Variants in SPATA22 observed in about 807,000 individuals in gnomAD.
SPATA22 encodes spermatogenesis associated 22.
SPATA22 carries 29 observed loss-of-function variants against 47.8 expected under a neutral mutation model. The observed-to-expected ratio is 0.61, with a 90% CI of 0.45 to 0.83. The LOEUF is 0.83. Among genes scored for constraint, SPATA22 ranks in the 40% least tolerant of loss-of-function variants. The pLI is 0.00. For missense variants in SPATA22, 410 were observed against 421.7 expected, an observed-to-expected ratio of 0.97 and a Z score of 0.24; for synonymous variants, 133 against 140.9, an observed-to-expected ratio of 0.94 and a Z score of 0.40.
rs1255658392 is a variant in SPATA22, at chr17:3,465,143, C to T, written c.172+2283G>A. Among the ~76,000 whole-genome samples, 20 of 107,238 alleles carry T rather than the reference C, an allele frequency of 1.9e-4. 1 individual carries two copies. The highest frequency in any genetic ancestry group is 3.5e-4 in the South Asian group (1 of 2,836). 70.4% of individuals were successfully genotyped at this position (107,238 alleles called of 152,430 possible). A position where few individuals can be genotyped will look rare whatever the true frequency, so the allele number is the denominator to read the frequency against. On this transcript the variant is annotated intron_variant, in intron 3 of 8. Coordinates refer to ENST00000572969, the MANE Select transcript of SPATA22 (RefSeq NM_001170698.2). ...GTCTCCGCCCGGCAGCCACCCCGTC[C>T]GGGAGGGAGGTGGGGGGGTCAGCCC...
intron 1 of SPATA22, chr17:3,471,285 G>A (rs185872538): frequency 5.6e-4 from 189 of 336,806 alleles, no homozygotes; most frequent in African/African-American, 3.9e-3. Flanking sequence ...CTCCACCGGC[G>A]CAACTCACAT....
At chr17:3,451,420 A>G (rs901494318) in intron 5 of SPATA22, among the ~76,000 whole-genome samples, 23 of 152,210 alleles carry the variant, frequency 1.5e-4, no homozygotes, top group Non-Finnish European at 5.9e-5. Context: ...AGAAAAATCA[A>G]TAAACAGTGA....
chr17:3,482,554 C>A (rs754171929), intron 1 of SPATA22, among the ~76,000 whole-genome samples: 4 of 152,134 alleles, frequency 2.6e-5, no homozygotes, highest in Non-Finnish European at 4.4e-5. Context: ...ACAAAACACA[C>A]CATTCCCAAA....
chr17:3,492,839 C>T (rs937551138), intron 1 of SPATA22, among the ~76,000 whole-genome samples: 1 of 152,028 alleles, frequency 6.6e-6, no homozygotes, highest in African/African-American at 2.4e-5. Context: ...AAGGCAGGAG[C>T]AAAACAATAA....
intron 3 of SPATA22, among the ~76,000 whole-genome samples, chr17:3,466,343 G>A (rs1374467406): frequency 6.6e-6 from 1 of 151,902 alleles, no homozygotes; most frequent in African/African-American, 2.4e-5. Context: ...TCTTCCAGAG[G>A]AAAGTAAAAA....
chr17:3,461,765 G>A (rs957863411), intron 5 of SPATA22, among the ~76,000 whole-genome samples: 1 of 152,036 alleles, frequency 6.6e-6, no homozygotes, highest in Non-Finnish European at 1.5e-5. Flanking sequence ...GTTGTTGTAA[G>A]GATTATTGAA....
rs1187737411 is a variant in SPATA22 at position 3,485,843 on chromosome 17, C to T, written c.-73-16445G>A. On this transcript the variant is annotated intron_variant, in intron 1 of 8. Coordinates refer to the SPATA22 transcript ENST00000541913. The surrounding 1 kb of genome is among the most constrained non-coding windows in gnomAD (Gnocchi z 4.4). ...TAATAGCAGAGTGTCAGCATTTCTG[C>T]ACCATTACCCAAGCTCCAGTTCCCA... Among the ~76,000 whole-genome samples, 1 of 152,076 alleles carries T rather than the reference C, an allele frequency of 6.6e-6. No homozygotes were observed. Among genetic ancestry groups the T allele is most frequent in the African/African-American group, 2.4e-5 (1 of 41,418 alleles).
chr17:3,461,485 C>T (rs1342570298), intron 5 of SPATA22, among the ~76,000 whole-genome samples: 2 of 152,152 alleles, frequency 1.3e-5, no homozygotes, highest in African/African-American at 4.8e-5. Flanking sequence ...TAATGCTTGT[C>T]AGAATGGATT....
At chr17:3,511,534 G>A (rs2074114109) in intron 1 of SPATA22, 1 of 152,174 alleles carries the variant, frequency 6.6e-6, no homozygotes, top group Admixed American at 6.5e-5. Flanking sequence ...TTGACTTATG[G>A]CTTCCCTTGG....
upstream of SPATA22, chr17:3,471,905 C>T (rs749911341): frequency 4.8e-5 from 47 of 973,032 alleles, no homozygotes; most frequent in Non-Finnish European, 5.4e-5. Flanking sequence ...CCTGGCCGCC[C>T]TTGGCCGGGC....
At chr17:3,495,296 G>T (rs2073891368) in intron 1 of SPATA22, among the ~76,000 whole-genome samples, 1 of 152,134 alleles carries the variant, frequency 6.6e-6, no homozygotes, top group African/African-American at 2.4e-5. Flanking sequence ...TACCTAGAGA[G>T]CTTTTAAAAA....
chr17:3,476,423 T>C (rs909249387), upstream of SPATA22: 11 of 1,598,106 alleles, frequency 6.9e-6, no homozygotes, highest in African/African-American at 1.2e-4. Flanking sequence ...ATTGTATATG[T>C]ATGTATGTTG....
intron 5 of SPATA22, among the ~76,000 whole-genome samples, chr17:3,461,089 C>T (rs1239906342): frequency 6.6e-6 from 1 of 152,164 alleles, no homozygotes. Context: ...ATAGACTAGG[C>T]TGCTAGAAAC....
chr17:3,440,270 C>CT lies in SPATA22; in HGVS notation c.968dup (p.Asn324GlufsTer15). On this transcript the variant is annotated frameshift_variant, in exon 9 of 9. Coordinates refer to ENST00000572969, the MANE Select transcript of SPATA22 (RefSeq NM_001170698.2). LOFTEE classifies it high-confidence loss of function. ...TGACAGAAACACATTGGAAAATGTTCTTTTTCTGGTCATAGTTGCCAACAC... is the reference window on the plus strand; with the variant it reads ...TGACAGAAACACATTGGAAAATGTTCTTTTTTCTGGTCATAGTTGCCAACAC... 1 of 1,610,468 alleles carries CT rather than the reference C, an allele frequency of 6.2e-7. No homozygotes were observed. The highest frequency in any genetic ancestry group is 8.5e-7 in the Non-Finnish European group (1 of 1,177,952).
At chr17:3,477,830 C>T (rs564166140) in intron 1 of SPATA22, among the ~76,000 whole-genome samples, 1 of 152,108 alleles carries the variant, frequency 6.6e-6, no homozygotes, top group South Asian at 2.1e-4. Context: ...TGGGGGAGTA[C>T]ACAGCTCTAT....
At chr17:3,445,587 G>A (rs948728493) in intron 7 of SPATA22, among the ~76,000 whole-genome samples, 1 of 152,130 alleles carries the variant, frequency 6.6e-6, no homozygotes, top group African/African-American at 2.4e-5. Context: ...GTTTTTAGCT[G>A]CTAAGTTTCC....
intron 1 of SPATA22, among the ~76,000 whole-genome samples, chr17:3,491,877 C>CTTTTTTTTTTTTTTT (rs540965896): frequency 1.6e-5 from 2 of 123,062 alleles, no homozygotes; most frequent in African/African-American, 3.1e-5. Flanking sequence ...CTTTTGTTTT[C>CTTTTTTTTTTTTTTT]TTTTTTTTTT....
chr17:3,470,708 G>C (rs972369535), intron 1 of SPATA22, among the ~76,000 whole-genome samples: 1 of 151,260 alleles, frequency 6.6e-6, no homozygotes, highest in Non-Finnish European at 1.5e-5. Context: ...CGGAGATCGT[G>C]CCGCTGCACT....
upstream of SPATA22, chr17:3,472,575 A>G (rs2073459402): frequency 6.6e-6 from 1 of 152,286 alleles, no homozygotes; most frequent in Non-Finnish European, 1.5e-5. Context: ...GTAAATGCCC[A>G]GTAACTGTTA....
Sources: allele counts gnomAD v4.1 joint callset (sites outside exome capture counted in the v4.1 genomes callset), GRCh38; gene constraint gnomAD v4.1.1; non-coding constraint Gnocchi (gnomAD v3.1); transcripts MANE v1.5; gene names NCBI Gene and HGNC (gene_info 2026-07-23, HGNC 2026-07-21).